Variants in MAP2K5 observed in about 807,000 individuals in gnomAD.
MAP2K5 encodes the protein mitogen-activated protein kinase kinase 5.
MAP2K5 carries 49 observed loss-of-function variants against 83.1 expected under a neutral mutation model. The observed-to-expected ratio is 0.59, with a 90% CI of 0.47 to 0.75. The LOEUF (loss-of-function observed/expected upper bound fraction) is 0.75, where lower values mean the gene tolerates loss of function less well. MAP2K5 is among the 30% of genes least tolerant of loss of function. The pLI, the probability that MAP2K5 is intolerant of heterozygous loss-of-function variation, is 0.00. For missense variants in MAP2K5, 457 were observed against 557.5 expected, an observed-to-expected ratio of 0.82 and a Z score of 1.82; for synonymous variants, 202 against 191.8, an observed-to-expected ratio of 1.05 and a Z score of -0.44.
intron 19 of MAP2K5, among the ~76,000 whole-genome samples, chr15:67,761,044 T>C (rs2089940422): frequency 1.3e-5 from 2 of 152,160 alleles, no homozygotes; most frequent in African/African-American, 2.4e-5. Flanking sequence ...GCTGGGGTGT[T>C]GCCTCCATTC....
chr15:67,601,437 T>C (rs1023104589), intron 8 of MAP2K5, among the ~76,000 whole-genome samples: 6 of 152,184 alleles, frequency 3.9e-5, no homozygotes, highest in African/African-American at 1.4e-4. Context: ...TGCAATGGTG[T>C]ATGAAAAATA....
At chr15:67,581,383 T>C (rs2085177107) in intron 4 of MAP2K5, among the ~76,000 whole-genome samples, 1 of 152,250 alleles carries the variant, frequency 6.6e-6, no homozygotes, top group South Asian at 2.1e-4. Context: ...CAGATAATTT[T>C]CTTTTTCCCT....
At chr15:67,681,929 A>T (rs1294715926) in intron 13 of MAP2K5, among the ~76,000 whole-genome samples, 3 of 152,188 alleles carry the variant, frequency 2.0e-5, no homozygotes, top group Admixed American at 6.5e-5. Flanking sequence ...AATGACTTAC[A>T]TCTGCCCTGA....
Position 67,769,407 on chromosome 15 carries a change from A to C in MAP2K5, c.1135-195A>C, listed in dbSNP as rs967954192. ...AGCTCTCATGTTTCTCACCATTGTA[A>C]AATATGTGTGGCTTTAAATTTGGCA... On this transcript the variant is annotated intron_variant, in intron 19 of 21. Transcript: ENST00000178640. The surrounding 1 kb of genome is among the most constrained non-coding windows in gnomAD (Gnocchi z 5.2). 1.3e-5 allele frequency among the ~76,000 whole-genome samples: 2 copies of C among 152,118 alleles called. No homozygotes were observed. The highest frequency in any genetic ancestry group is 4.8e-5 in the African/African-American group (2 of 41,406).
In MAP2K5 at chr15:67,750,121, A is replaced by C. The variant is rs996562330; in HGVS notation, c.1134+1520A>C. On this transcript the variant is annotated intron_variant, in intron 19 of 21. Transcript: ENST00000178640. The surrounding 1 kb of genome is among the most constrained non-coding windows in gnomAD (Gnocchi z 4.2). ...TTACTTGTTTAATTTGGGCAAAATC[A>C]TGAGACTTTTGAAATTACCATGGGG... is the stretch of plus-strand genomic sequence containing the variant. Among the ~76,000 whole-genome samples the C allele has an allele frequency of 6.6e-6, 1 of 152,242 alleles. No homozygotes were observed. The highest frequency in any genetic ancestry group is 2.4e-5 in the African/African-American group (1 of 41,454).
chr15:67,655,846 G>A (rs2087059560), intron 11 of MAP2K5, among the ~76,000 whole-genome samples: 1 of 151,920 alleles, frequency 6.6e-6, no homozygotes, highest in Admixed American at 6.6e-5. Context: ...CTCCCATTAA[G>A]CATATGTCCG....
intron 3 of MAP2K5, among the ~76,000 whole-genome samples, chr15:67,569,272 C>G (rs1172968841): frequency 6.6e-6 from 1 of 152,176 alleles, no homozygotes; most frequent in African/African-American, 2.4e-5. Flanking sequence ...TTGCAGGTGG[C>G]AAAATCAGTT....
chr15:67,739,432 A>G (rs986036983), intron 17 of MAP2K5, among the ~76,000 whole-genome samples: 2 of 7,840 alleles, frequency 2.6e-4, no homozygotes, highest in East Asian at 0.021. Context: ...CTATATATAT[A>G]TATATATATA....
At chr15:67,606,098 C>A (rs1011583493) in intron 8 of MAP2K5, among the ~76,000 whole-genome samples, 1 of 152,152 alleles carries the variant, frequency 6.6e-6, no homozygotes, top group Non-Finnish European at 1.5e-5. Flanking sequence ...GATTCCAAAG[C>A]CAGTCTCTCA....
In MAP2K5 at chr15:67,794,426, A is replaced by C. The variant is rs1178596571; in HGVS notation, c.1243-12220A>C. 6.6e-6 allele frequency among the ~76,000 whole-genome samples: 1 copy of C among 152,154 alleles called. No individual in the cohort carries two copies. The highest frequency in any genetic ancestry group is 2.4e-5 in the African/African-American group (1 of 41,434). On this transcript the variant is annotated intron_variant, in intron 21 of 21. Coordinates refer to ENST00000178640, the MANE Select transcript of MAP2K5 (RefSeq NM_145160.3). This position sits in a 1 kb window ranked among gnomAD's most constrained non-coding sequence, Gnocchi z 4.6. Reference sequence around the variant, plus strand: ...TGTGCATTTCCTTTTTTAAAAAAGGAGGGGTCTGTTTCAGATGGAAAACAT... The same window carrying C: ...TGTGCATTTCCTTTTTTAAAAAAGGCGGGGTCTGTTTCAGATGGAAAACAT...
At chr15:67,663,863 A>G (rs1323960197) in intron 12 of MAP2K5, among the ~76,000 whole-genome samples, 1 of 152,182 alleles carries the variant, frequency 6.6e-6, no homozygotes, top group African/African-American at 2.4e-5. Context: ...CAACAGAGTG[A>G]GATCCTGTCT....
At chr15:67,751,800 C>A (rs2089723262) in intron 19 of MAP2K5, among the ~76,000 whole-genome samples, 1 of 152,048 alleles carries the variant, frequency 6.6e-6, no homozygotes, top group African/African-American at 2.4e-5. Context: ...TGGGGTTTAC[C>A]TTATTCTTTC....
intron 2 of MAP2K5, among the ~76,000 whole-genome samples, chr15:67,556,856 G>A (rs1596554407): frequency 6.6e-6 from 1 of 152,066 alleles, no homozygotes. Flanking sequence ...CCCAGCCCTT[G>A]TTTTTCTTAA....
rs947099087 is a variant in MAP2K5 at position 67,562,783 on chromosome 15, G to A, written c.185-500G>A. ...CGCAGGTTTGTTATGAGGTTTTCAAGGAGGTATTGCATATGAAGCATAGAT... is the reference window on the plus strand; with the variant it reads ...CGCAGGTTTGTTATGAGGTTTTCAAAGAGGTATTGCATATGAAGCATAGAT... On this transcript the variant is annotated intron_variant, in intron 2 of 21. Coordinates refer to ENST00000178640, the MANE Select transcript of MAP2K5 (RefSeq NM_145160.3). This position sits in a 1 kb window ranked among gnomAD's most constrained non-coding sequence, Gnocchi z 4.1. Among the ~76,000 whole-genome samples, 1 of 152,176 alleles carries A rather than the reference G, an allele frequency of 6.6e-6. No homozygotes were observed. Among genetic ancestry groups the A allele is most frequent in the African/African-American group, 2.4e-5 (1 of 41,446 alleles).
rs1216596269 is a variant in MAP2K5, at chr15:67,769,003, T to G, written c.1135-599T>G. 6.6e-6 allele frequency among the ~76,000 whole-genome samples: 1 copy of G among 152,150 alleles called. No individual in the cohort carries two copies. The highest frequency in any genetic ancestry group is 2.4e-5 in the African/African-American group (1 of 41,416). On this transcript the variant is annotated intron_variant, in intron 19 of 21. Coordinates refer to ENST00000178640, the MANE Select transcript of MAP2K5 (RefSeq NM_145160.3). The surrounding 1 kb of genome is among the most constrained non-coding windows in gnomAD (Gnocchi z 5.2). Reference sequence around the variant, plus strand: ...AAGTTGGGAGTTTTTCATTGTATCCTTAATTCACTGGCTTTCTCATATGAG... The same window carrying G: ...AAGTTGGGAGTTTTTCATTGTATCCGTAATTCACTGGCTTTCTCATATGAG...
chr15:67,550,737 T>C (rs2084491543), intron 2 of MAP2K5, among the ~76,000 whole-genome samples: 1 of 151,836 alleles, frequency 6.6e-6, no homozygotes, highest in Non-Finnish European at 1.5e-5. Context: ...TTTTTTTTTT[T>C]TAAGATGAGG....
chr15:67,725,158 G>A (rs1010342835), intron 16 of MAP2K5, among the ~76,000 whole-genome samples: 2 of 152,196 alleles, frequency 1.3e-5, no homozygotes, highest in East Asian at 1.9e-4. Flanking sequence ...GCTCCCAGCT[G>A]ACCAAACTGC....
At chr15:67,620,476 A>G (rs1272234684) in intron 8 of MAP2K5, among the ~76,000 whole-genome samples, 3 of 152,190 alleles carry the variant, frequency 2.0e-5, no homozygotes, top group African/African-American at 7.2e-5. Flanking sequence ...ATATAAGGCA[A>G]TAGAGTAGTT....
chr15:67,554,662 C>G (rs1391983171), intron 2 of MAP2K5, among the ~76,000 whole-genome samples: 1 of 152,134 alleles, frequency 6.6e-6, no homozygotes, highest in African/African-American at 2.4e-5. Context: ...TTCAACCTGC[C>G]TTCTGGTGTG....
Sources: gnomAD v4.1 joint callset for allele counts (sites outside exome capture counted in the v4.1 genomes callset) on GRCh38, gnomAD v4.1.1 for gene constraint, Gnocchi (gnomAD v3.1) non-coding constraint, MANE v1.5 for transcripts, NCBI Gene and HGNC (gene_info 2026-07-23, HGNC 2026-07-21) for gene names.